The following KPNA1 variants were observed in gnomAD, a reference collection of about 807,000 sequenced individuals.
The protein encoded by KPNA1 is karyopherin subunit alpha 1, also known as importin subunit alpha-5.
In KPNA1, 10 loss-of-function variants were observed where a neutral mutation model predicts 70.5. That is an observed-to-expected ratio of 0.14 (90% CI 0.09 to 0.24). KPNA1 has a LOEUF of 0.24. KPNA1 is among the 10% of genes least tolerant of loss of function. The pLI, the probability that KPNA1 is intolerant of heterozygous loss-of-function variation, is 1.00. For synonymous variants in KPNA1, 192 were observed against 221.9 expected (o/e 0.87, Z 1.20); for missense variants, 397 against 637.9 (o/e 0.62, Z 4.07).
At chr3:122,427,358 T>C in intron 13 of KPNA1, 180 bp downstream of exon 13, 2 of 739,320 alleles carry the variant, frequency 2.7e-6, no homozygotes, top group African/African-American at 1.8e-5. Flanking sequence ...ATCTGAAAGC[T>C]AGTATTATAA....
At chr3:122,441,492 A>C (rs2076061308) in intron 10 of KPNA1, among the ~76,000 whole-genome samples, 1 of 152,236 alleles carries the variant, frequency 6.6e-6, no homozygotes, top group African/African-American at 2.4e-5. Context: ...GAAGAAAAAC[A>C]AATCTGCCTG....
At chr3:122,485,811 T>C (rs1378472642) in intron 2 of KPNA1, among the ~76,000 whole-genome samples, 1 of 152,104 alleles carries the variant, frequency 6.6e-6, no homozygotes. Flanking sequence ...CACAAAGAAG[T>C]ATATAAGATG....
At chr3:122,492,723 A>T (rs2076714228) in intron 2 of KPNA1, among the ~76,000 whole-genome samples, 1 of 152,200 alleles carries the variant, frequency 6.6e-6, no homozygotes, top group Non-Finnish European at 1.5e-5. Context: ...AAGCAGCAGG[A>T]GACTCAACTC....
At position 122,493,565 on chromosome 3, in the gene KPNA1, G is replaced by A. The variant is rs543142187; in HGVS notation, c.129+2872C>T. On this transcript the variant is annotated intron_variant, in intron 2 of 13. Transcript: ENST00000344337. ...TTGAGCTGTAACGGAAAGCTGTGGT[G>A]AGGCAGCAGAACAAGGGCACGGTTT... is the stretch of plus-strand genomic sequence containing the variant. 5.9e-5 allele frequency among the ~76,000 whole-genome samples: 9 copies of A among 152,304 alleles called. No individual in the cohort carries two copies. In the South Asian group the frequency reaches 1.9e-3, roughly 32 times the overall value.
intron 1 of KPNA1, among the ~76,000 whole-genome samples, chr3:122,506,449 C>T (rs2076891506): frequency 1.3e-5 from 2 of 151,924 alleles, no homozygotes; most frequent in South Asian, 4.2e-4. Flanking sequence ...ATAGTAGGTC[C>T]GTTTAAAATA....
intron 2 of KPNA1, among the ~76,000 whole-genome samples, chr3:122,495,754 T>C (rs1156779502): frequency 6.9e-6 from 1 of 145,040 alleles, no homozygotes; most frequent in African/African-American, 2.5e-5. Flanking sequence ...AAAAGTCACT[T>C]AAGCCTTATG....
At chr3:122,428,165 TAAAC>T (rs2075848376) in intron 12 of KPNA1, among the ~76,000 whole-genome samples, 2 of 152,196 alleles carry the variant, frequency 1.3e-5, no homozygotes, top group South Asian at 4.1e-4. Flanking sequence ...GTGGGAAGAA[TAAAC>T]AAATGTCAGA....
intron 2 of KPNA1, among the ~76,000 whole-genome samples, chr3:122,489,456 T>A (rs1181515592): frequency 6.6e-6 from 1 of 151,466 alleles, no homozygotes; most frequent in Non-Finnish European, 1.5e-5. Context: ...TGGCTAAGTT[T>A]TTTATTTATT....
At position 122,423,902 on chromosome 3, in the gene KPNA1, G is replaced by A. The variant is rs377693432; in HGVS notation, c.*3083C>T. 6.6e-5 allele frequency: 10 copies of A among 152,210 alleles called. No individual in the cohort carries two copies. The highest frequency in any genetic ancestry group is 3.9e-4 in the East Asian group (2 of 5,188). 9.4% of individuals were successfully genotyped at this position (152,210 alleles called of 1,614,324 possible). A position where few individuals can be genotyped will look rare whatever the true frequency, so the allele number is the denominator to read the frequency against. On this transcript the variant is annotated 3_prime_UTR_variant, in exon 14 of 14. Transcript: ENST00000344337. ...CTAGGGCAATAGTTTTTTCAAAAGCGGAACTGACAAAGATAAGCGTTTAAA... is the reference window on the plus strand; with the variant it reads ...CTAGGGCAATAGTTTTTTCAAAAGCAGAACTGACAAAGATAAGCGTTTAAA...
intron 2 of KPNA1, among the ~76,000 whole-genome samples, chr3:122,486,089 C>G (rs1289273484): frequency 6.6e-6 from 1 of 152,090 alleles, no homozygotes; most frequent in Non-Finnish European, 1.5e-5. Flanking sequence ...TAAGTATACA[C>G]CAGCTATACA....
chr3:122,502,964 G>C (rs962674960), intron 1 of KPNA1, among the ~76,000 whole-genome samples: 2 of 152,026 alleles, frequency 1.3e-5, no homozygotes, highest in Admixed American at 6.6e-5. Context: ...CAGGCATGGT[G>C]GCAGGCACCT....
At chr3:122,485,455 CAA>C (rs11289502) in intron 2 of KPNA1, among the ~76,000 whole-genome samples, 198 of 138,952 alleles carry the variant, frequency 1.4e-3, no homozygotes, top group Middle Eastern at 3.7e-3. Flanking sequence ...AGCCATATGC[CAA>C]AAAAAAAAAA....
chr3:122,487,712 C>A (rs1022291918), intron 2 of KPNA1, among the ~76,000 whole-genome samples: 3 of 152,068 alleles, frequency 2.0e-5, no homozygotes, highest in African/African-American at 7.2e-5. Flanking sequence ...AAATCAAAAT[C>A]ATGGAAACAG....
chr3:122,451,704 A>G, intron 7 of KPNA1, 71 bp from the exon 8 acceptor site: 1 of 987,432 alleles, frequency 1.0e-6, no homozygotes, highest in Non-Finnish European at 1.6e-6. Context: ...AATACTAAAT[A>G]ATAATACTTT....
chr3:122,501,336 T>C (rs557128388), intron 1 of KPNA1, among the ~76,000 whole-genome samples: 1 of 152,288 alleles, frequency 6.6e-6, no homozygotes, highest in Admixed American at 6.5e-5. Flanking sequence ...TCCTTTCTTC[T>C]TTAACAAAGG....
At chr3:122,455,294 A>G (rs1450092904) in intron 5 of KPNA1, among the ~76,000 whole-genome samples, 1 of 152,184 alleles carries the variant, frequency 6.6e-6, no homozygotes. Flanking sequence ...GAAAACTATA[A>G]AAGTGACATA....
intron 12 of KPNA1, chr3:122,432,860 C>T (rs759076424): frequency 6.6e-6 from 1 of 152,228 alleles, no homozygotes; most frequent in Non-Finnish European, 1.5e-5. Flanking sequence ...GCAGGTGGAT[C>T]GCCGGAGCTC....
chr3:122,511,307 C>A (rs1392565627), intron 1 of KPNA1, among the ~76,000 whole-genome samples: 3 of 152,132 alleles, frequency 2.0e-5, no homozygotes, highest in Non-Finnish European at 2.9e-5. Flanking sequence ...CCTCCTCACG[C>A]TGGAAAAACA....
intron 12 of KPNA1, among the ~76,000 whole-genome samples, chr3:122,430,927 G>A (rs527702338): frequency 4.6e-5 from 7 of 152,166 alleles, no homozygotes; most frequent in Non-Finnish European, 7.4e-5. Flanking sequence ...GTGAAAGAAC[G>A]ACCTATAGCA....
Sources: gnomAD v4.1 joint callset for allele counts (sites outside exome capture counted in the v4.1 genomes callset) on GRCh38, gnomAD v4.1.1 for gene constraint, MANE v1.5 for transcripts, NCBI Gene and HGNC (gene_info 2026-07-23, HGNC 2026-07-21) for gene names.